Variants in WSB1 observed in about 807,000 individuals in gnomAD.
WSB1 encodes WD repeat and SOCS box containing 1.
Under a neutral mutation model 50.2 loss-of-function variants are expected in WSB1, and 23 were observed. The ratio of observed to expected loss-of-function variants is 0.46; its 90% CI spans 0.33 to 0.65. WSB1 has a LOEUF of 0.65. Ranked by LOEUF, WSB1 falls within the 30% of genes least tolerant of loss-of-function variation. The probability of loss-of-function intolerance (pLI) is 0.02; values close to 1 mark genes in which losing one functional copy is unlikely to be tolerated. For missense variants in WSB1, 492 were observed against 522.3 expected (o/e 0.94, Z 0.56); for synonymous variants, 179 against 172.0 (o/e 1.04, Z -0.32).
intron 4 of WSB1, among the ~76,000 whole-genome samples, chr17:27,306,246 TC>T (rs1239339680): frequency 2.3e-5 from 3 of 133,154 alleles, no homozygotes; most frequent in Middle Eastern, 3.9e-3. Flanking sequence ...GGAGTCTCGC[TC>T]TTTCGCCCAG....
chr17:27,298,254 C>T (rs531898412), intron 1 of WSB1, among the ~76,000 whole-genome samples: 10 of 151,854 alleles, frequency 6.6e-5, no homozygotes, highest in South Asian at 6.2e-4. Flanking sequence ...GGCTGTTCCT[C>T]GTATACAAGT....
At chr17:27,307,227 G>T in intron 5 of WSB1, 1 of 212,618 alleles carries the variant, frequency 4.7e-6, no homozygotes, top group Admixed American at 5.5e-5. Context: ...TATTTTTTTG[G>T]TCCAGTTTGC....
chr17:27,296,125 G>A (rs2016965320), intron 1 of WSB1, among the ~76,000 whole-genome samples: 1 of 152,052 alleles, frequency 6.6e-6, no homozygotes, highest in South Asian at 2.1e-4. Context: ...GAGCCACCCC[G>A]CCCAGATTTC....
At chr17:27,303,681 A>AGGGCACTGCTTAT (rs1220990873) in intron 3 of WSB1, 46 bp downstream of exon 3, 1 of 1,593,130 alleles carries the variant, frequency 6.3e-7, no homozygotes, top group East Asian at 2.2e-5. Context: ...TTTATGATGC[A>AGGGCACTGCTTAT]GGGCACTGCT....
intron 3 of WSB1, among the ~76,000 whole-genome samples, chr17:27,304,341 T>G (rs1196771071): frequency 6.6e-6 from 1 of 151,574 alleles, no homozygotes; most frequent in African/African-American, 2.4e-5. Context: ...AAAACTAAAG[T>G]TGTGGGATAA....
chr17:27,294,341 T>A lies in WSB1; in HGVS notation c.-55T>A. 1.2e-6 allele frequency: 2 copies of A among 1,600,682 alleles called. No homozygotes were observed. Among genetic ancestry groups the A allele is most frequent in the Admixed American group, 1.7e-5 (1 of 59,198 alleles). ...TCACGCCCCTCAGCGGTCGCCACTC[T>A]CTTCTCTGTTGTTGGGTCCGCATCG... is the stretch of plus-strand genomic sequence containing the variant. On this transcript the variant is annotated 5_prime_UTR_variant, in exon 1 of 9. Coordinates refer to ENST00000262394, the MANE Select transcript of WSB1 (RefSeq NM_015626.10).
At chr17:27,303,823 G>C (rs2017335505) in intron 3 of WSB1, 188 bp downstream of exon 3, 2 of 671,600 alleles carry the variant, frequency 3.0e-6, no homozygotes, top group Admixed American at 6.1e-5. Context: ...GAAAACTATG[G>C]AGTTCATATT....
intron 1 of WSB1, among the ~76,000 whole-genome samples, chr17:27,301,552 A>G (rs554769774): frequency 2.4e-4 from 36 of 152,304 alleles, no homozygotes; most frequent in Non-Finnish European, 2.9e-4. Context: ...AACTTTCTTA[A>G]AAACTCTTGC....
intron 1 of WSB1, among the ~76,000 whole-genome samples, chr17:27,296,349 G>C (rs1357704177): frequency 1.3e-5 from 2 of 151,110 alleles, no homozygotes; most frequent in Non-Finnish European, 2.9e-5. Context: ...CTTTTTCTGA[G>C]CTTTTTTTAA....
At chr17:27,300,597 C>A (rs1471131191) in intron 1 of WSB1, among the ~76,000 whole-genome samples, 1 of 151,922 alleles carries the variant, frequency 6.6e-6, no homozygotes, top group Non-Finnish European at 1.5e-5. Context: ...CCTTAAAAAC[C>A]AAAATAATTC....
Position 27,302,410 on chromosome 17 carries a change from CAAAAAA to C in WSB1, c.209+468_209+473del, listed in dbSNP as rs199646039. ...TGGGTGACAGAGCCAAATAATGTCT[CAAAAAA>C]AAAAAAAAAAAAAGAATTGTCTGGT... On this transcript the variant is annotated intron_variant, in intron 2 of 8. Transcript: ENST00000262394. The C allele has an allele frequency of 1.6e-3, 89 of 56,464 alleles. 2 individuals carry two copies. In the South Asian group the frequency reaches 0.025, roughly 16 times the overall value. The allele number at this position is 56,464 out of a possible 1,614,324, so 3.5% of individuals were successfully genotyped here.
Position 27,315,409 on chromosome 17 carries a change from G to C in WSB1, c.*3040G>C, listed in dbSNP as rs540531055. 3.8e-4 allele frequency: 58 copies of C among 152,322 alleles called. No individual in the cohort carries two copies. The highest frequency in any genetic ancestry group is 1.4e-3 in the African/African-American group (58 of 41,578). 9.4% of individuals were successfully genotyped at this position (152,322 alleles called of 1,614,324 possible). A position where few individuals can be genotyped will look rare whatever the true frequency, so the allele number is the denominator to read the frequency against. ...AAACCTATAACTTGATCTTAGGTTG[G>C]CAAATCTTAAACTTAACGATCCTTG... On this transcript the variant is annotated 3_prime_UTR_variant, in exon 9 of 9. Transcript: ENST00000262394.
At chr17:27,295,151 C>G (rs1246535642) in intron 1 of WSB1, among the ~76,000 whole-genome samples, 1 of 152,176 alleles carries the variant, frequency 6.6e-6, no homozygotes, top group Non-Finnish European at 1.5e-5. Flanking sequence ...CTTAGTGGCT[C>G]AGTGGAAAGC....
Position 27,313,116 on chromosome 17 carries a change from G to A in WSB1, c.*747G>A, listed in dbSNP as rs1027436933. Reference sequence around the variant, plus strand: ...TGGAGAGTGTCAGACTGATCTGGAAGTGAAACACAGTTTATGTACAGGGAA... The same window carrying A: ...TGGAGAGTGTCAGACTGATCTGGAAATGAAACACAGTTTATGTACAGGGAA... On this transcript the variant is annotated 3_prime_UTR_variant, in exon 9 of 9. Coordinates refer to ENST00000262394, the MANE Select transcript of WSB1 (RefSeq NM_015626.10). 6.6e-6 allele frequency: 1 copy of A among 152,464 alleles called. No individual in the cohort carries two copies. Among genetic ancestry groups the A allele is most frequent in the Non-Finnish European group, 1.5e-5 (1 of 68,014 alleles). 9.4% of individuals were successfully genotyped at this position (152,464 alleles called of 1,614,324 possible). A position where few individuals can be genotyped will look rare whatever the true frequency, so the allele number is the denominator to read the frequency against.
rs776369793 is a variant in WSB1, at chr17:27,308,847, CTTTAT to C, written c.712-247_712-243del. On this transcript the variant is annotated intron_variant, in intron 5 of 8. Coordinates refer to ENST00000262394, the MANE Select transcript of WSB1 (RefSeq NM_015626.10). ...TAGCTTTGTGGTTAAATTGCATTGC[CTTTAT>C]TTTATGTTTAGGCTTATTTTTAAAT... 3.2e-4 allele frequency: 349 copies of C among 1,088,288 alleles called. 1 individual carries two copies. Among genetic ancestry groups the C allele is most frequent in the Non-Finnish European group, 3.8e-4 (336 of 895,856 alleles). The allele number at this position is 1,088,288 out of a possible 1,614,324, so 67.4% of individuals were successfully genotyped here. A position where few individuals can be genotyped will look rare whatever the true frequency, so the allele number is the denominator to read the frequency against.
At chr17:27,306,995 T>A in intron 5 of WSB1, 113 bp downstream of exon 5, 1 of 969,544 alleles carries the variant, frequency 1.0e-6, no homozygotes, top group Non-Finnish European at 1.5e-6. Context: ...ATGAATATTT[T>A]AAATGTTTTA....
rs766887201 is a variant in WSB1 at position 27,311,580 on chromosome 17, G to T, written c.1070G>T (p.Cys357Phe). 5.0e-6 allele frequency: 8 copies of T among 1,608,258 alleles called. No homozygotes were observed. The highest frequency in any genetic ancestry group is 2.7e-5 in the African/African-American group (2 of 73,798). The change falls in exon 8 of 9, where the codon TGT (cysteine) becomes TTT (phenylalanine). Residue 357 changes from cysteine to phenylalanine, a missense_variant. Coordinates refer to ENST00000262394, the MANE Select transcript of WSB1 (RefSeq NM_015626.10). Reference sequence around the variant, plus strand: ...GCACCTTTGAGCAATGGTCTTTGCTGTGCCTTCTCTACTGATGGCAGTGTT... The same window carrying T: ...GCACCTTTGAGCAATGGTCTTTGCTTTGCCTTCTCTACTGATGGCAGTGTT... ...QVAPLSNGLC[C>F]AFSTDGSVLA...
intron 5 of WSB1, chr17:27,308,521 T>C (rs2017547204): frequency 3.0e-6 from 3 of 985,738 alleles, no homozygotes; most frequent in African/African-American, 1.7e-5. Flanking sequence ...TGTAATGTGG[T>C]TTAACATCCT....
chr17:27,307,620 T>A, intron 5 of WSB1: 1 of 937,094 alleles, frequency 1.1e-6, no homozygotes, highest in Non-Finnish European at 1.6e-6. Context: ...TTATAAATGT[T>A]GGAAGTTTAA....
Sources: gnomAD v4.1 joint callset for allele counts (sites outside exome capture counted in the v4.1 genomes callset) on GRCh38, gnomAD v4.1.1 for gene constraint, MANE v1.5 for transcripts, NCBI Gene and HGNC (gene_info 2026-07-23, HGNC 2026-07-21) for gene names.